Variants in EBF2 observed in about 807,000 individuals in gnomAD.
EBF2 encodes the protein EBF transcription factor 2.
Under a neutral mutation model 72.8 loss-of-function variants are expected in EBF2, and 21 were observed. The ratio of observed to expected loss-of-function variants is 0.29; its 90% CI spans 0.20 to 0.42. The LOEUF (loss-of-function observed/expected upper bound fraction) is 0.42. Ranked by LOEUF, EBF2 falls within the 10% of genes least tolerant of loss-of-function variation. EBF2 has a pLI of 1.00. For synonymous variants in EBF2, 299 were observed against 274.2 expected (o/e 1.09, Z -0.89); for missense variants, 637 against 731.2 (o/e 0.87, Z 1.49).
intron 10 of EBF2, among the ~76,000 whole-genome samples, chr8:25,884,665 A>G (rs2117287350): frequency 6.6e-6 from 1 of 152,314 alleles, no homozygotes; most frequent in Non-Finnish European, 1.5e-5. Context: ...CATGGCAGGC[A>G]GGTCATAAAT....
intron 6 of EBF2, among the ~76,000 whole-genome samples, chr8:25,926,284 T>C (rs1468407829): frequency 1.3e-5 from 2 of 152,170 alleles, no homozygotes; most frequent in African/African-American, 4.8e-5. Context: ...CAAGGCAGGC[T>C]GGCTCCCCCA....
In EBF2 at chr8:25,921,791, T is replaced by C. The variant is rs534069084; in HGVS notation, c.552-13236A>G. ...AAGTAGATGTCCAGAATCTCTTCTT[T>C]CATTTTCTCTTTAAAAAATTGCTCC... On this transcript the variant is annotated intron_variant, in intron 6 of 15. Transcript: ENST00000520164. Among the ~76,000 whole-genome samples, 6 of 152,356 alleles carry C rather than the reference T, an allele frequency of 3.9e-5. No homozygotes were observed. The South Asian group carries it at 1.2e-3, about 32-fold the overall frequency.
intron 6 of EBF2, among the ~76,000 whole-genome samples, chr8:26,009,206 G>A (rs1238606230): frequency 9.5e-5 from 14 of 147,302 alleles, no homozygotes; most frequent in Non-Finnish European, 1.6e-4. Flanking sequence ...CCTTTTCCTT[G>A]AATTACTTCA....
chr8:25,875,810 T>C (rs1024573104), intron 10 of EBF2, among the ~76,000 whole-genome samples: 3 of 152,212 alleles, frequency 2.0e-5, no homozygotes, highest in Non-Finnish European at 4.4e-5. Flanking sequence ...GTTTAAAATA[T>C]ACATTCCCTA....
chr8:25,908,754 G>T (rs771147506), intron 6 of EBF2, among the ~76,000 whole-genome samples, 199 bp from the exon 7 acceptor site: 2 of 152,132 alleles, frequency 1.3e-5, no homozygotes, highest in East Asian at 1.9e-4. Context: ...CCCAGCACCC[G>T]CTTCCCCATC....
chr8:25,912,885 C>T (rs1360170435), intron 6 of EBF2, among the ~76,000 whole-genome samples: 1 of 152,110 alleles, frequency 6.6e-6, no homozygotes, highest in Non-Finnish European at 1.5e-5. Flanking sequence ...GTGTAGGTGG[C>T]TTCCACATGT....
chr8:25,870,634 A>G (rs1347151547), intron 10 of EBF2, among the ~76,000 whole-genome samples: 1 of 151,992 alleles, frequency 6.6e-6, no homozygotes, highest in African/African-American at 2.4e-5. Context: ...ATTTGCACCC[A>G]TTGTTCTCCC....
intron 6 of EBF2, among the ~76,000 whole-genome samples, chr8:25,949,416 A>G (rs982958219): frequency 1.3e-5 from 2 of 152,180 alleles, no homozygotes; most frequent in Non-Finnish European, 2.9e-5. Flanking sequence ...TTTGGTTTGG[A>G]AAAAACCAAA....
intron 15 of EBF2, among the ~76,000 whole-genome samples, chr8:25,847,159 C>A (rs150705048): frequency 1.1e-4 from 17 of 152,208 alleles, no homozygotes; most frequent in African/African-American, 3.4e-4. Context: ...GCACTCAGTT[C>A]GGCACCTTGC....
chr8:25,949,627 T>G (rs1438959107), intron 6 of EBF2, among the ~76,000 whole-genome samples: 1 of 152,134 alleles, frequency 6.6e-6, no homozygotes, highest in East Asian at 1.9e-4. Flanking sequence ...AAAGAAGACA[T>G]TAGTACCTTA....
intron 14 of EBF2, among the ~76,000 whole-genome samples, chr8:25,856,354 T>TA (rs1802091996): frequency 6.6e-6 from 1 of 152,218 alleles, no homozygotes; most frequent in Non-Finnish European, 1.5e-5. Context: ...AGCCTAATAT[T>TA]ACACTATAAA....
At chr8:25,975,118 A>G (rs1804248435) in intron 6 of EBF2, among the ~76,000 whole-genome samples, 1 of 152,190 alleles carries the variant, frequency 6.6e-6, no homozygotes, top group African/African-American at 2.4e-5. Context: ...AAGTCAGAAA[A>G]AATAAAATGA....
At chr8:25,932,418 C>T (rs2117147114) in intron 6 of EBF2, among the ~76,000 whole-genome samples, 1 of 151,070 alleles carries the variant, frequency 6.6e-6, no homozygotes, top group East Asian at 1.9e-4. Flanking sequence ...CGGGATGCTA[C>T]TGAATCTGGA....
Position 25,893,568 on chromosome 8 carries a change from G to A in EBF2, c.634-3699C>T, listed in dbSNP as rs146262411. 6.9e-3 allele frequency among the ~76,000 whole-genome samples: 1,054 copies of A among 152,136 alleles called. 11 individuals are homozygous for A. Among genetic ancestry groups the A allele is most frequent in the African/African-American group, 0.024 (986 of 41,502 alleles). On this transcript the variant is annotated intron_variant, in intron 7 of 15. Coordinates refer to ENST00000520164, the MANE Select transcript of EBF2 (RefSeq NM_022659.4). ...GCTGGGATTACAGGCATGAGCCACC[G>A]CACCCAGCCATGGGCATTAATTCTT...
At chr8:26,020,731 C>T (rs1805191405) in intron 6 of EBF2, among the ~76,000 whole-genome samples, 1 of 151,986 alleles carries the variant, frequency 6.6e-6, no homozygotes, top group Admixed American at 6.6e-5. Flanking sequence ...GTTGAATCTA[C>T]ACGACATCAC....
chr8:25,945,130 T>C (rs768804688), intron 6 of EBF2, among the ~76,000 whole-genome samples: 15 of 137,828 alleles, frequency 1.1e-4, no homozygotes, highest in Non-Finnish European at 2.2e-4. Flanking sequence ...CCAAGCTTCT[T>C]CAGGCCTTGT....
Position 25,843,093 on chromosome 8 carries a change from CT to C in EBF2, c.*1515del, listed in dbSNP as rs1365205957. 1.3e-5 allele frequency: 2 copies of C among 152,220 alleles called. No individual in the cohort carries two copies. The highest frequency in any genetic ancestry group is 2.9e-5 in the Non-Finnish European group (2 of 68,052). The allele number at this position is 152,220 out of a possible 1,614,324, so 9.4% of individuals were successfully genotyped here. A position where few individuals can be genotyped will look rare whatever the true frequency, so the allele number is the denominator to read the frequency against. On this transcript the variant is annotated 3_prime_UTR_variant, in exon 16 of 16. Transcript: ENST00000520164. ...TAGCAGCTAAGGCAAGGTTCTTCCC[CT>C]CTAAGAGCTAGTCACAAAACGATGA...
At chr8:25,847,589 C>G (rs1202868476) in intron 15 of EBF2, among the ~76,000 whole-genome samples, 3 of 152,166 alleles carry the variant, frequency 2.0e-5, no homozygotes, top group African/African-American at 7.2e-5. Flanking sequence ...GTTCTTCACA[C>G]AAATTAGTCA....
chr8:26,016,406 T>C (rs1805112201), intron 6 of EBF2, among the ~76,000 whole-genome samples: 1 of 152,230 alleles, frequency 6.6e-6, no homozygotes, highest in Non-Finnish European at 1.5e-5. Flanking sequence ...TTGCATTCAT[T>C]CATTCATTTA....
Sources: gnomAD v4.1 joint callset for allele counts (sites outside exome capture counted in the v4.1 genomes callset) on GRCh38, gnomAD v4.1.1 for gene constraint, MANE v1.5 for transcripts, NCBI Gene and HGNC (gene_info 2026-07-23, HGNC 2026-07-21) for gene names.